Variants in PTPRN2 observed in about 807,000 individuals in gnomAD.
PTPRN2 encodes the protein receptor-type tyrosine-protein phosphatase N2.
In PTPRN2, 74 loss-of-function variants were observed where a neutral mutation model predicts 118.8. The ratio of observed to expected loss-of-function variants is 0.62; its 90% confidence interval spans 0.52 to 0.76. The LOEUF is 0.76. Ranked by LOEUF, PTPRN2 falls within the 30% of genes least tolerant of loss-of-function variation. PTPRN2 has a pLI of 0.00. For missense variants in PTPRN2, 1,481 were observed against 1,394.4 expected, an observed-to-expected ratio of 1.06 and a Z score of -0.99; for synonymous variants, 641 against 608.0, an observed-to-expected ratio of 1.05 and a Z score of -0.80.
intron 1 of PTPRN2, among the ~76,000 whole-genome samples, chr7:158,541,185 TTTGTC>T (rs1412526921): frequency 1.3e-5 from 2 of 152,242 alleles, no homozygotes; most frequent in Non-Finnish European, 2.9e-5. Flanking sequence ...GCTTCTCATG[TTTGTC>T]TTGAAGACAT....
At chr7:157,608,594 G>C (rs1802143702) in intron 15 of PTPRN2, among the ~76,000 whole-genome samples, 1 of 152,182 alleles carries the variant, frequency 6.6e-6, no homozygotes, top group Admixed American at 6.5e-5. Context: ...ATAGGATGAT[G>C]CCATCCAGTT....
rs999017391 is a variant in PTPRN2, at chr7:157,651,847, C to T, written c.2196+4510G>A. 3.9e-5 allele frequency among the ~76,000 whole-genome samples: 6 copies of T among 152,336 alleles called. No individual in the cohort carries two copies. In the South Asian group the frequency reaches 6.2e-4, roughly 16 times the overall value. The stretch of plus-strand genomic sequence containing the variant: ...GAGTGAGCATCTCCGTGTTGCCTTT[C>T]GGCCGTTTCCAGAGAAATGTACCGG... On this transcript the variant is annotated intron_variant, in intron 14 of 22. Transcript: ENST00000389418.
intron 3 of PTPRN2, among the ~76,000 whole-genome samples, chr7:158,273,767 A>G (rs1278505068): frequency 8.9e-6 from 1 of 112,450 alleles, no homozygotes; most frequent in Non-Finnish European, 1.8e-5. Flanking sequence ...CCACAGACAG[A>G]CATGGGAGGA....
chr7:158,135,783 C>A (rs1818752462), intron 8 of PTPRN2, among the ~76,000 whole-genome samples: 1 of 152,168 alleles, frequency 6.6e-6, no homozygotes. Flanking sequence ...TGTTTTCTTC[C>A]TGCACTTGCC....
At chr7:157,559,799 C>A (rs952472808) in intron 21 of PTPRN2, among the ~76,000 whole-genome samples, 1 of 152,168 alleles carries the variant, frequency 6.6e-6, no homozygotes, top group Admixed American at 6.5e-5. Flanking sequence ...ATCCTGACAG[C>A]GACACAGCTG....
At chr7:158,251,486 C>T (rs757556626) in intron 3 of PTPRN2, among the ~76,000 whole-genome samples, 17 of 134,314 alleles carry the variant, frequency 1.3e-4, no homozygotes, top group African/African-American at 3.2e-4. Flanking sequence ...ATATGGTGCA[C>T]GTGTGGTGTG....
intron 9 of PTPRN2, among the ~76,000 whole-genome samples, chr7:158,114,840 C>T (rs113607147): frequency 2.6e-5 from 4 of 152,194 alleles, no homozygotes; most frequent in African/African-American, 4.8e-5. Context: ...GAGAGGCAGA[C>T]GCAGGGATGG....
rs71547551 is a variant in PTPRN2, at chr7:158,574,549, C to A, written c.112+13009G>T. Among the ~76,000 whole-genome samples the A allele has an allele frequency of 4.3e-3, 657 of 152,298 alleles. 3 individuals are homozygous for A. The highest frequency in any genetic ancestry group is 6.4e-3 in the Non-Finnish European group (434 of 68,030). On this transcript the variant is annotated intron_variant, in intron 1 of 22. Coordinates refer to ENST00000389418, the MANE Select transcript of PTPRN2 (RefSeq NM_002847.5). This position sits in a 1 kb window ranked among gnomAD's most constrained non-coding sequence, Gnocchi z 4.6. ...CCTCCTGCCAGTGAGGGCCCAAGAGCCCTGTCCAGGGCTTGGGCTTCCTTC... is the reference window on the plus strand; with the variant it reads ...CCTCCTGCCAGTGAGGGCCCAAGAGACCTGTCCAGGGCTTGGGCTTCCTTC...
intron 15 of PTPRN2, 63 bp from the exon 16 acceptor site, chr7:157,604,138 C>G: frequency 6.6e-7 from 1 of 1,520,142 alleles, no homozygotes; most frequent in African/African-American, 1.4e-5. Context: ...GAGACCCCCA[C>G]TTGGCCTCCA....
intron 2 of PTPRN2, among the ~76,000 whole-genome samples, chr7:158,476,896 A>T (rs543761157): frequency 6.1e-4 from 93 of 152,234 alleles, no homozygotes; most frequent in Non-Finnish European, 1.1e-3. Context: ...GGTCACATGC[A>T]TACATCTGAG....
chr7:158,406,231 C>T (rs1459207824), intron 2 of PTPRN2, among the ~76,000 whole-genome samples: 1 of 149,250 alleles, frequency 6.7e-6, no homozygotes, highest in Non-Finnish European at 1.5e-5. Context: ...CATTTGGCTG[C>T]ACACTGAGAT....
chr7:157,959,878 A>G (rs1045163566), intron 11 of PTPRN2, among the ~76,000 whole-genome samples: 1 of 152,232 alleles, frequency 6.6e-6, no homozygotes, highest in African/African-American at 2.4e-5. Flanking sequence ...GGATATTTCT[A>G]CACTGACATG....
intron 2 of PTPRN2, among the ~76,000 whole-genome samples, chr7:158,431,900 C>A (rs1216581062): frequency 6.6e-6 from 1 of 152,270 alleles, no homozygotes; most frequent in African/African-American, 2.4e-5. Flanking sequence ...TTATCCGGGA[C>A]CTGCTCGTCC....
rs1014843852 is a variant in PTPRN2 at position 157,794,586 on chromosome 7, G to A, written c.1788+104087C>T. Among the ~76,000 whole-genome samples, 18 of 152,206 alleles carry A rather than the reference G, an allele frequency of 1.2e-4. No individual in the cohort carries two copies. Among genetic ancestry groups the A allele is most frequent in the South Asian group, 2.1e-4 (1 of 4,830 alleles). Reference sequence around the variant, plus strand: ...ACTCTCCGCTTTGTTTAAATGTGGGGATTTCATTTCTTCATCGCCTCTGTG... The same window carrying A: ...ACTCTCCGCTTTGTTTAAATGTGGGAATTTCATTTCTTCATCGCCTCTGTG... On this transcript the variant is annotated intron_variant, in intron 12 of 22. Coordinates refer to ENST00000389418, the MANE Select transcript of PTPRN2 (RefSeq NM_002847.5). The surrounding 1 kb of genome is among the most constrained non-coding windows in gnomAD (Gnocchi z 5.2).
At chr7:158,131,110 CCAAA>C (rs111418667) in intron 9 of PTPRN2, among the ~76,000 whole-genome samples, 2,120 of 147,584 alleles carry the variant, frequency 0.014, 47 homozygotes, top group African/African-American at 0.044. Flanking sequence ...TACACATCTA[CCAAA>C]CACACACTCA....
intron 2 of PTPRN2, among the ~76,000 whole-genome samples, chr7:158,405,265 T>C (rs1371669783): frequency 6.6e-6 from 1 of 152,010 alleles, no homozygotes; most frequent in Admixed American, 6.5e-5. Context: ...GATTTTGGGG[T>C]CCTAGCAATG....
chr7:157,672,796 T>G (rs1252003352), intron 13 of PTPRN2, among the ~76,000 whole-genome samples: 4 of 152,230 alleles, frequency 2.6e-5, no homozygotes, highest in Non-Finnish European at 5.9e-5. Context: ...GTATATCAAA[T>G]CCACATTCCA....
At chr7:158,285,265 G>A (rs940445257) in intron 3 of PTPRN2, among the ~76,000 whole-genome samples, 2 of 152,206 alleles carry the variant, frequency 1.3e-5, no homozygotes, top group Admixed American at 1.3e-4. Context: ...CAAAAGAGTG[G>A]TCTGGGGGAT....
chr7:158,129,681 C>A (rs939221222), intron 9 of PTPRN2, among the ~76,000 whole-genome samples: 6 of 152,196 alleles, frequency 3.9e-5, no homozygotes, highest in African/African-American at 1.4e-4. Flanking sequence ...GGGCGTTTGA[C>A]CACCCATAGG....
Sources: gnomAD v4.1 joint callset for allele counts (sites outside exome capture counted in the v4.1 genomes callset) on GRCh38, gnomAD v4.1.1 for gene constraint, Gnocchi (gnomAD v3.1) non-coding constraint, MANE v1.5 for transcripts, NCBI Gene and HGNC (gene_info 2026-07-23, HGNC 2026-07-21) for gene names.